Variants in UBR2 observed in about 807,000 individuals in gnomAD.
UBR2 encodes ubiquitin protein ligase E3 component n-recognin 2.
UBR2 carries 92 observed loss-of-function variants against 247.9 expected under a neutral mutation model. The observed-to-expected ratio is 0.37, with a 90% CI of 0.31 to 0.44. The LOEUF is 0.44. UBR2 is among the 20% of genes least tolerant of loss of function. The pLI, the probability that UBR2 is intolerant of heterozygous loss-of-function variation, is 1.00. For synonymous variants in UBR2, 672 were observed against 693.5 expected, an observed-to-expected ratio of 0.97 and a Z score of 0.49; for missense variants, 1,613 against 2,112.6, an observed-to-expected ratio of 0.76 and a Z score of 4.64.
At chr6:42,566,480 G>A (rs1790785902) in intron 1 of UBR2, among the ~76,000 whole-genome samples, 1 of 152,164 alleles carries the variant, frequency 6.6e-6, no homozygotes, top group Admixed American at 6.5e-5. Flanking sequence ...CGCCTCCGGG[G>A]TTCAAGTGAT....
At chr6:42,596,098 A>G (rs1792957048) in intron 4 of UBR2, among the ~76,000 whole-genome samples, 1 of 149,940 alleles carries the variant, frequency 6.7e-6, no homozygotes, top group African/African-American at 2.5e-5. Flanking sequence ...ATATGTGTGT[A>G]TATCCAAGCC....
In UBR2 at chr6:42,575,786, C is replaced by T. The variant is rs113654910; in HGVS notation, c.338+1793C>T. Reference sequence around the variant, plus strand: ...AAGGGATGTCTGCAAGACTTCTCCACTGTAATGTTACTCTTTTCCCCTATG... The same window carrying T: ...AAGGGATGTCTGCAAGACTTCTCCATTGTAATGTTACTCTTTTCCCCTATG... On this transcript the variant is annotated intron_variant, in intron 2 of 46. Transcript: ENST00000372901. 1.3e-3 allele frequency among the ~76,000 whole-genome samples: 201 copies of T among 152,312 alleles called. 3 individuals are homozygous for T. Among genetic ancestry groups the T allele is most frequent in the African/African-American group, 4.6e-3 (190 of 41,576 alleles).
At chr6:42,684,220 A>C (rs902610908) in intron 43 of UBR2, among the ~76,000 whole-genome samples, 1 of 152,278 alleles carries the variant, frequency 6.6e-6, no homozygotes, top group South Asian at 2.1e-4. Context: ...TAATTTCTCT[A>C]AAGTTAAAGC....
chr6:42,592,254 A>G (rs1285539668), intron 3 of UBR2, 25 bp downstream of exon 3: 24 of 1,455,800 alleles, frequency 1.6e-5, no homozygotes, highest in Non-Finnish European at 2.0e-5. Context: ...AATAATAACC[A>G]TGCGCAGTAT....
chr6:42,634,233 T>C (rs1398958961), intron 13 of UBR2: 2 of 410,704 alleles, frequency 4.9e-6, no homozygotes, highest in Non-Finnish European at 9.4e-6. Flanking sequence ...TTCCCCTGTT[T>C]AATTCTCTTT....
intron 13 of UBR2, 32 bp downstream of exon 13, chr6:42,632,936 C>CTTTTT: frequency 2.2e-6 from 2 of 920,008 alleles, no homozygotes. Context: ...TTTCTTTTTC[C>CTTTTT]TTTTTTTTTT....
intron 21 of UBR2, among the ~76,000 whole-genome samples, chr6:42,647,417 TAAAAAAAAAAA>T (rs750938791): frequency 0.36 from 36,742 of 102,560 alleles, 5,320 homozygotes; most frequent in East Asian, 0.39. Flanking sequence ...CCATCGCTAC[TAAAAAAAAAAA>T]AAAAAAAAAA....
intron 11 of UBR2, among the ~76,000 whole-genome samples, chr6:42,621,200 G>A (rs1408829767): frequency 5.3e-5 from 8 of 152,108 alleles, no homozygotes; most frequent in African/African-American, 1.9e-4. Flanking sequence ...ATTCATTTTT[G>A]TGTATCTAAG....
intron 11 of UBR2, among the ~76,000 whole-genome samples, chr6:42,631,161 C>T (rs1235583427): frequency 1.3e-5 from 2 of 152,166 alleles, no homozygotes; most frequent in African/African-American, 4.8e-5. Context: ...TTGACTTATG[C>T]GAGGCCTGTT....
chr6:42,625,867 G>A (rs993443783), intron 11 of UBR2, among the ~76,000 whole-genome samples: 1 of 149,724 alleles, frequency 6.7e-6, no homozygotes, highest in Non-Finnish European at 1.5e-5. Context: ...AGGTTGGAGT[G>A]CAGTGGTGCG....
intron 2 of UBR2, among the ~76,000 whole-genome samples, chr6:42,582,583 TC>T (rs1791982776): frequency 6.6e-6 from 1 of 152,208 alleles, no homozygotes; most frequent in African/African-American, 2.4e-5. Context: ...GTACGAAAGT[TC>T]CTGTTGTTTC....
chr6:42,640,382 A>T, intron 16 of UBR2, 112 bp downstream of exon 16: 16 of 318,402 alleles, frequency 5.0e-5, no homozygotes, highest in Non-Finnish European at 7.4e-5. Context: ...AGAACCAGTA[A>T]GGTGTGTGTG....
intron 1 of UBR2, among the ~76,000 whole-genome samples, chr6:42,568,978 G>A (rs1244177693): frequency 1.3e-5 from 2 of 152,140 alleles, no homozygotes; most frequent in Admixed American, 1.3e-4. Context: ...TCAAATTAGG[G>A]ATGCTCAACC....
At chr6:42,653,319 G>A in intron 25 of UBR2, among the ~76,000 whole-genome samples, 1 of 152,120 alleles carries the variant, frequency 6.6e-6, no homozygotes, top group East Asian at 1.9e-4. Flanking sequence ...CCAGACTCAA[G>A]CAATCCTCCC....
intron 46 of UBR2, among the ~76,000 whole-genome samples, chr6:42,690,657 ATTC>A (rs972026718): frequency 5.9e-5 from 9 of 152,006 alleles, no homozygotes; most frequent in South Asian, 2.1e-4. Flanking sequence ...TACTCCTATA[ATTC>A]TTCTTTTGTG....
intron 2 of UBR2, 131 bp downstream of exon 2, chr6:42,574,124 AT>A: frequency 1.4e-5 from 12 of 873,164 alleles, no homozygotes; most frequent in Non-Finnish European, 1.9e-5. Context: ...TTACAAATAC[AT>A]GCTATTTAAT....
At chr6:42,584,497 A>G (rs1010859866) in intron 2 of UBR2, among the ~76,000 whole-genome samples, 4 of 152,038 alleles carry the variant, frequency 2.6e-5, no homozygotes, top group Admixed American at 6.6e-5. Context: ...TGTCTATTTC[A>G]TGTCTTTTGC....
chr6:42,573,756 T>A lies in UBR2; in HGVS notation c.101T>A (p.Leu34His), dbSNP rs1386996741. Residue 34 changes from leucine (L) to histidine (H), a missense_variant, in exon 2 of 47, where the codon CTC becomes CAC. Leu to His is a moderately conservative substitution (Grantham distance 99, BLOSUM62 -3). Coordinates refer to ENST00000372901, the MANE Select transcript of UBR2 (RefSeq NM_001363705.2). ...IAGKWLQATD[L>H]TREVYQHLAH... ...AAGAAATGGCTGCAAGCAACTGACC[T>A]CACTAGAGAAGTGTACCAGCATTTA... 1 of 1,554,410 alleles carries A rather than the reference T, an allele frequency of 6.4e-7. No homozygotes were observed. The highest frequency in any genetic ancestry group is 1.4e-5 in the African/African-American group (1 of 72,564).
intron 21 of UBR2, among the ~76,000 whole-genome samples, chr6:42,647,559 G>A (rs949306641): frequency 6.6e-6 from 1 of 151,992 alleles, no homozygotes; most frequent in African/African-American, 2.4e-5. Flanking sequence ...TCATGCCATT[G>A]CACTCCAGCC....
Sources: gnomAD v4.1 joint callset for allele counts (sites outside exome capture counted in the v4.1 genomes callset) on GRCh38, gnomAD v4.1.1 for gene constraint, MANE v1.5 for transcripts, NCBI Gene and HGNC (gene_info 2026-07-23, HGNC 2026-07-21) for gene names.